The following RBM6 variants were observed in gnomAD, a reference collection of about 807,000 sequenced individuals.
RBM6 encodes RNA binding motif protein 6.
RBM6 carries 23 observed loss-of-function variants against 140.4 expected under a neutral mutation model. The observed-to-expected ratio is 0.16, with a 90% CI of 0.12 to 0.23. The LOEUF (loss-of-function observed/expected upper bound fraction) is 0.23. Ranked by LOEUF, RBM6 falls within the 10% of genes least tolerant of loss-of-function variation. The pLI is 1.00. For synonymous variants in RBM6, 439 were observed against 475.6 expected, an observed-to-expected ratio of 0.92 and a Z score of 1.00; for missense variants, 1,139 against 1,386.7, an observed-to-expected ratio of 0.82 and a Z score of 2.84.
intron 1 of RBM6, among the ~76,000 whole-genome samples, chr3:49,944,176 A>G (rs2083396177): frequency 1.3e-5 from 2 of 152,100 alleles, no homozygotes; most frequent in South Asian, 4.1e-4. Context: ...TCCCCTGACA[A>G]TCACCATTCT....
chr3:50,025,215 A>G (rs950734468), intron 6 of RBM6, among the ~76,000 whole-genome samples: 5 of 151,972 alleles, frequency 3.3e-5, no homozygotes, highest in Middle Eastern at 3.4e-3. Flanking sequence ...ACCTGAGGTC[A>G]GAAGCAAGAC....
chr3:50,047,312 A>G, intron 6 of RBM6: 1 of 985,438 alleles, frequency 1.0e-6, no homozygotes, highest in Non-Finnish European at 1.2e-6. Context: ...GGCTAGTTCC[A>G]GAGTCGCATT....
chr3:49,949,658 C>T (rs1037722644), intron 1 of RBM6, among the ~76,000 whole-genome samples: 11 of 152,114 alleles, frequency 7.2e-5, no homozygotes, highest in East Asian at 1.9e-4. Context: ...GGAATACAGG[C>T]GTGAGCCACA....
rs749842425 is a variant in RBM6, at chr3:50,058,011, G to C, written c.1969+8G>C. The C allele has an allele frequency of 3.7e-6, 6 of 1,610,900 alleles. No individual in the cohort carries two copies. In the East Asian group the frequency reaches 1.1e-4, roughly 30 times the overall value. On this transcript the variant is annotated splice_region_variant and intron_variant, in intron 9 of 20. Coordinates refer to ENST00000266022, the MANE Select transcript of RBM6 (RefSeq NM_005777.3). ...AGGATGGAGAGAGCAAAAGTAAGTA[G>C]TTTGTCAGGGCACATACCAGACTGT...
intron 1 of RBM6, among the ~76,000 whole-genome samples, chr3:49,947,919 T>A (rs1463283668): frequency 2.0e-5 from 3 of 152,170 alleles, no homozygotes; most frequent in Admixed American, 6.6e-5. Flanking sequence ...CATGGCAATA[T>A]CCCGTCTGTA....
intron 6 of RBM6, among the ~76,000 whole-genome samples, chr3:50,013,445 C>T (rs968836963): frequency 1.3e-5 from 2 of 152,222 alleles, no homozygotes; most frequent in East Asian, 1.9e-4. Context: ...CCGAGGGAGG[C>T]GGATCACGAG....
intron 5 of RBM6, among the ~76,000 whole-genome samples, chr3:49,989,806 G>A (rs2085733991): frequency 6.6e-6 from 1 of 152,052 alleles, no homozygotes; most frequent in Admixed American, 6.6e-5. Context: ...TGGTGCAGTG[G>A]CATCATCTCG....
At chr3:50,065,807 C>T (rs1293086865) in intron 16 of RBM6, among the ~76,000 whole-genome samples, 1 of 152,232 alleles carries the variant, frequency 6.6e-6, no homozygotes, top group Non-Finnish European at 1.5e-5. Context: ...TACATGTGAG[C>T]TGGATCTGTC....
At chr3:50,055,734 A>C (rs963250806) in intron 8 of RBM6, among the ~76,000 whole-genome samples, 2 of 152,234 alleles carry the variant, frequency 1.3e-5, no homozygotes, top group African/African-American at 2.4e-5. Context: ...CAGGATTTTC[A>C]AGAGAAAAAC....
At chr3:50,015,306 C>A (rs560194122) in intron 6 of RBM6, among the ~76,000 whole-genome samples, 5 of 150,970 alleles carry the variant, frequency 3.3e-5, no homozygotes, top group South Asian at 4.2e-4. Flanking sequence ...CGGGGTTTCA[C>A]CATATTGGCC....
At chr3:50,060,870 G>C in intron 11 of RBM6, 86 bp from the exon 12 acceptor site, 9 of 1,388,324 alleles carry the variant, frequency 6.5e-6, no homozygotes, top group Non-Finnish European at 8.6e-6. Context: ...AGGAACAGAG[G>C]ATTTCTCGAT....
rs113266363 is a variant in RBM6, at chr3:49,970,054, C to G, written c.1323+1306C>G. Among the ~76,000 whole-genome samples, 527 of 152,262 alleles carry G rather than the reference C, an allele frequency of 3.5e-3. 3 individuals carry two copies. Among genetic ancestry groups the G allele is most frequent in the African/African-American group, 0.012 (508 of 41,558 alleles). The stretch of plus-strand genomic sequence containing the variant: ...CTCCCGTGTTCAAGCAGTCTTCCTG[C>G]CTCAGCCTCCTGAGTAGTTGGGACT... On this transcript the variant is annotated intron_variant, in intron 3 of 20. Coordinates refer to ENST00000266022, the MANE Select transcript of RBM6 (RefSeq NM_005777.3).
chr3:49,999,880 A>G (rs1161150550), intron 6 of RBM6, among the ~76,000 whole-genome samples: 1 of 152,174 alleles, frequency 6.6e-6, no homozygotes, highest in Non-Finnish European at 1.5e-5. Context: ...GGATCTGCCT[A>G]GCACAGAAAT....
chr3:50,031,134 G>A (rs2088127659), intron 6 of RBM6, among the ~76,000 whole-genome samples: 1 of 152,138 alleles, frequency 6.6e-6, no homozygotes, highest in Non-Finnish European at 1.5e-5. Context: ...ACTGTTGGTG[G>A]GACTGTAAAC....
intron 19 of RBM6, 29 bp from the exon 20 acceptor site, chr3:50,075,170 AAG>A: frequency 6.3e-7 from 1 of 1,580,850 alleles, no homozygotes; most frequent in Non-Finnish European, 8.6e-7. Context: ...AAAAAAAAAA[AAG>A]GAAGTGATGG....
chr3:50,029,861 A>C (rs180821022), intron 6 of RBM6, among the ~76,000 whole-genome samples: 64 of 151,714 alleles, frequency 4.2e-4, no homozygotes, highest in African/African-American at 1.5e-3. Context: ...CATCGCTATA[A>C]AAATTTTTTA....
At chr3:49,997,724 T>A (rs1465551173) in intron 5 of RBM6, among the ~76,000 whole-genome samples, 1 of 152,236 alleles carries the variant, frequency 6.6e-6, no homozygotes, top group African/African-American at 2.4e-5. Flanking sequence ...GTTCCTTCTG[T>A]TATTCTGTAA....
intron 3 of RBM6, among the ~76,000 whole-genome samples, chr3:49,970,985 G>A (rs1333064575): frequency 6.6e-6 from 1 of 152,066 alleles, no homozygotes; most frequent in African/African-American, 2.4e-5. Context: ...ACAAAAATTA[G>A]GCCAGGCGTG....
At chr3:50,013,254 C>A (rs927947271) in intron 6 of RBM6, among the ~76,000 whole-genome samples, 1 of 151,972 alleles carries the variant, frequency 6.6e-6, no homozygotes, top group South Asian at 2.1e-4. Flanking sequence ...TTTACTTTGT[C>A]GGTGTCTCCA....
Sources: allele counts gnomAD v4.1 joint callset (sites outside exome capture counted in the v4.1 genomes callset), GRCh38; gene constraint gnomAD v4.1.1; transcripts MANE v1.5; gene names NCBI Gene and HGNC (gene_info 2026-07-23, HGNC 2026-07-21).